The following FAM90A20 variants were observed in gnomAD, a reference collection of about 807,000 sequenced individuals.
FAM90A20 encodes the protein family with sequence similarity 90 member A20, also known as protein FAM90A20.
At chr8:7,297,357 C>T in the FAM90A20 span, 4 of 1,429,404 alleles carry the variant, frequency 2.8e-6, no homozygotes, top group African/African-American at 2.1e-5. Flanking sequence ...GTTCCCCAGG[C>T]TGCCTCCAAA....
At chr8:7,295,739 G>A in the FAM90A20 span, 31 of 1,135,680 alleles carry the variant, frequency 2.7e-5, no homozygotes, top group South Asian at 3.3e-4. Context: ...GAAAAAGGAA[G>A]GGAAGGAAAA....
the FAM90A20 span, among the ~76,000 whole-genome samples, chr8:7,296,853 A>T: frequency 1.5e-5 from 2 of 136,748 alleles, 1 homozygote; most frequent in Non-Finnish European, 3.0e-5. Flanking sequence ...GTGTGCTTAG[A>T]TCAGCTACAC....
chr8:7,296,281 T>C, the FAM90A20 span: 1,155 of 725,338 alleles, frequency 1.6e-3, 120 homozygotes, highest in Non-Finnish European at 2.0e-3. Context: ...CCTTTTTCTG[T>C]TCTGCAGGCA....
At chr8:7,297,059 C>G in the FAM90A20 span, 13 of 1,499,288 alleles carry the variant, frequency 8.7e-6, 1 homozygote, top group South Asian at 1.0e-4. Context: ...TCCTCTCTTT[C>G]AGGTTGCAAG....
chr8:7,297,552 C>A, the FAM90A20 span: 65 of 1,519,934 alleles, frequency 4.3e-5, 3 homozygotes, highest in South Asian at 6.6e-4. Flanking sequence ...CCCAAGAAAC[C>A]GAGACTGGGT....
At chr8:7,297,961 C>T in the FAM90A20 span, 1 of 677,172 alleles carries the variant, frequency 1.5e-6, no homozygotes, top group Non-Finnish European at 2.6e-6. Context: ...TCCCACCGAG[C>T]GTCCTCTATG....
chr8:7,295,779 C>T, the FAM90A20 span: 3 of 1,273,082 alleles, frequency 2.4e-6, no homozygotes, highest in South Asian at 2.4e-5. Flanking sequence ...GGGGTTGAAG[C>T]CAACCCGGGG....
At chr8:7,297,075 C>T in the FAM90A20 span, 23 of 1,507,154 alleles carry the variant, frequency 1.5e-5, 3 homozygotes, top group Non-Finnish European at 2.0e-5. Context: ...GCAAGGGGGC[C>T]AATGCCGGTC....
chr8:7,296,366 A>T, the FAM90A20 span: 2 of 745,460 alleles, frequency 2.7e-6, no homozygotes, highest in South Asian at 2.7e-5. Context: ...CCGAATGGAA[A>T]AGGATCCACG....
chr8:7,297,874 C>G, the FAM90A20 span: 17 of 787,814 alleles, frequency 2.2e-5, no homozygotes, highest in East Asian at 1.6e-4. Context: ...CCTCATTTCA[C>G]TCTCCTGAGA....
At chr8:7,295,841 G>A in the FAM90A20 span, 5 of 758,800 alleles carry the variant, frequency 6.6e-6, no homozygotes, top group South Asian at 2.8e-5. Context: ...GTGAGCAGTG[G>A]GAGGGGTTTT....
At chr8:7,295,511 G>A in the FAM90A20 span, 1 of 556,182 alleles carries the variant, frequency 1.8e-6, no homozygotes, top group Non-Finnish European at 3.1e-6. Flanking sequence ...CCCCCATGCC[G>A]GTGTCCCCTC....
At chr8:7,297,349 T>C in the FAM90A20 span, 6 of 1,413,484 alleles carry the variant, frequency 4.2e-6, 1 homozygote, top group African/African-American at 4.2e-5. Flanking sequence ...GCCGAGAAGT[T>C]CCCCAGGCTG....
At chr8:7,297,511 C>G in the FAM90A20 span, 2 of 1,514,510 alleles carry the variant, frequency 1.3e-6, no homozygotes, top group East Asian at 2.2e-5. Context: ...AGAGACCTGC[C>G]CAGGCTCCGA....
chr8:7,297,310 G>A, the FAM90A20 span: 27 of 1,358,100 alleles, frequency 2.0e-5, 2 homozygotes, highest in Non-Finnish European at 2.7e-5. Flanking sequence ...TCGTGGTGGA[G>A]CCGACACACA....
chr8:7,296,340 T>G, the FAM90A20 span: 1 of 743,774 alleles, frequency 1.3e-6, no homozygotes, highest in Admixed American at 1.8e-5. Flanking sequence ...CCGGGAAACC[T>G]CCAGAGAAGC....
At chr8:7,297,108 G>C in the FAM90A20 span, 1 of 1,504,610 alleles carries the variant, frequency 6.6e-7, no homozygotes, top group Non-Finnish European at 9.0e-7. Flanking sequence ...AAGAGGCCGC[G>C]CATGGACCCT....
chr8:7,295,745 G>A, the FAM90A20 span: 2 of 1,196,590 alleles, frequency 1.7e-6, no homozygotes, highest in South Asian at 1.2e-5. Context: ...GGAAGGGAAG[G>A]AAAACCTGAA....
chr8:7,297,185 C>G, the FAM90A20 span: 3 of 1,538,454 alleles, frequency 2.0e-6, no homozygotes, highest in Non-Finnish European at 2.6e-6. Flanking sequence ...ACTGTCTCCC[C>G]TCAGAAAAGC....
Sources: gnomAD v4.1 joint callset for allele counts (sites outside exome capture counted in the v4.1 genomes callset) on GRCh38, gnomAD v4.1.1 for gene constraint, MANE v1.5 for transcripts, NCBI Gene and HGNC (gene_info 2026-07-23, HGNC 2026-07-21) for gene names.